NT5C3A: variants seen among roughly 807,000 people sequenced by gnomAD.
NT5C3A encodes the protein 5'-nucleotidase, cytosolic IIIA.
Under a neutral mutation model 40.0 loss-of-function variants are expected in NT5C3A, and 23 were observed. The ratio of observed to expected loss-of-function variants is 0.58; its 90% confidence interval spans 0.41 to 0.81. The LOEUF (loss-of-function observed/expected upper bound fraction) is 0.81. Ranked by LOEUF, NT5C3A falls within the 40% of genes least tolerant of loss-of-function variation. The probability of loss-of-function intolerance (pLI) is 0.00; values close to 1 mark genes in which losing one functional copy is unlikely to be tolerated. For synonymous variants in NT5C3A, 130 were observed against 141.4 expected (o/e 0.92, Z 0.57); for missense variants, 328 against 403.0 (o/e 0.81, Z 1.59).
chr7:33,034,610 A>T (rs1196672438), intron 1 of NT5C3A, among the ~76,000 whole-genome samples: 4 of 152,256 alleles, frequency 2.6e-5, no homozygotes, highest in Non-Finnish European at 5.9e-5. Context: ...TATATTTGAC[A>T]TATAAAAACA....
chr7:33,051,421 C>A (rs1166308134), intron 1 of NT5C3A, among the ~76,000 whole-genome samples: 4 of 152,164 alleles, frequency 2.6e-5, no homozygotes, highest in Non-Finnish European at 4.4e-5. Flanking sequence ...CTCGGCCTCC[C>A]AAAGTGCTGG....
rs1292149570 is a variant in NT5C3A, at chr7:33,014,238, A to G, written c.*492T>C. ...CCAGGTTTTTCCAACACTAACTGCTAGTCTTTTCCAGTAAATATTTTTTCC... is the reference window on the plus strand; with the variant it reads ...CCAGGTTTTTCCAACACTAACTGCTGGTCTTTTCCAGTAAATATTTTTTCC... On this transcript the variant is annotated 3_prime_UTR_variant, in exon 9 of 9. Coordinates refer to ENST00000610140, the MANE Select transcript of NT5C3A (RefSeq NM_001002010.5). 4.4e-6 allele frequency: 2 copies of G among 454,422 alleles called. No homozygotes were observed. The highest frequency in any genetic ancestry group is 2.3e-5 in the Admixed American group (1 of 42,558). The allele number at this position is 454,422 out of a possible 1,614,324, so 28.1% of individuals were successfully genotyped here.
chr7:33,048,689 T>C (rs1787250375), intron 1 of NT5C3A, among the ~76,000 whole-genome samples: 1 of 152,222 alleles, frequency 6.6e-6, no homozygotes, highest in South Asian at 2.1e-4. Context: ...CGGGTCACTT[T>C]AATCATCTCC....
chr7:33,052,430 G>A (rs1562604286), intron 1 of NT5C3A, among the ~76,000 whole-genome samples: 1 of 136,804 alleles, frequency 7.3e-6, no homozygotes, highest in Non-Finnish European at 1.5e-5. Context: ...AGGTTGCAGT[G>A]AGCCAAGATC....
intron 5 of NT5C3A, among the ~76,000 whole-genome samples, chr7:33,019,935 C>T (rs1785535266): frequency 6.6e-6 from 1 of 152,164 alleles, no homozygotes; most frequent in South Asian, 2.1e-4. Context: ...CCTCCCAAAC[C>T]CAGACTTAGC....
chr7:33,049,673 TA>T (rs1437530078), intron 1 of NT5C3A, among the ~76,000 whole-genome samples: 1 of 151,922 alleles, frequency 6.6e-6, no homozygotes, highest in African/African-American at 2.4e-5. Context: ...ATCAAAATTT[TA>T]AAAATTGACA....
At position 33,056,537 on chromosome 7, in the gene NT5C3A, C is replaced by T. The variant is rs902906028; in HGVS notation, c.138+6031G>A. ...AAAAATTTAACTTAGCCAGGTGTGG[C>T]GCCACATGCCTGTAGTCCCAGCTAC... is the stretch of plus-strand genomic sequence containing the variant. On this transcript the variant is annotated intron_variant, in intron 1 of 8. Coordinates refer to ENST00000610140, the MANE Select transcript of NT5C3A (RefSeq NM_001002010.5). 3.6e-5 allele frequency among the ~76,000 whole-genome samples: 5 copies of T among 137,930 alleles called. No homozygotes were observed. In the East Asian group the frequency reaches 9.0e-4, roughly 25 times the overall value. 90.5% of individuals were successfully genotyped at this position (137,930 alleles called of 152,430 possible).
At chr7:33,030,631 A>G (rs942894364) in intron 1 of NT5C3A, among the ~76,000 whole-genome samples, 1 of 152,214 alleles carries the variant, frequency 6.6e-6, no homozygotes, top group African/African-American at 2.4e-5. Context: ...ATTGATGCCA[A>G]TCTGAATCAA....
chr7:33,036,685 T>A (rs1454154548), intron 1 of NT5C3A, among the ~76,000 whole-genome samples: 1 of 152,174 alleles, frequency 6.6e-6, no homozygotes, highest in Non-Finnish European at 1.5e-5. Flanking sequence ...GTGGGAAAAT[T>A]ATGCATTGCT....
intron 3 of NT5C3A, among the ~76,000 whole-genome samples, chr7:33,023,544 T>C (rs1025687872): frequency 7.9e-5 from 12 of 152,062 alleles, no homozygotes; most frequent in Admixed American, 6.6e-5. Flanking sequence ...CAGGCATGAG[T>C]GACCGCACCC....
intron 1 of NT5C3A, among the ~76,000 whole-genome samples, chr7:33,061,511 C>G (rs1395970763): frequency 6.6e-6 from 1 of 152,124 alleles, no homozygotes; most frequent in South Asian, 2.1e-4. Context: ...CTCAGCCTCC[C>G]AAATAGCTGG....
At chr7:33,016,532 G>C (rs918752119) in intron 7 of NT5C3A, among the ~76,000 whole-genome samples, 3 of 151,620 alleles carry the variant, frequency 2.0e-5, no homozygotes, top group Non-Finnish European at 4.4e-5. Context: ...AGCTGGGCTT[G>C]GTGGCACGCA....
In NT5C3A at chr7:33,039,567, T is replaced by G. The variant is rs953357070; in HGVS notation, c.139-12652A>C. Among the ~76,000 whole-genome samples, 33 of 144,424 alleles carry G rather than the reference T, an allele frequency of 2.3e-4. No homozygotes were observed. The East Asian group carries it at 6.6e-3, about 29-fold the overall frequency. 94.7% of individuals were successfully genotyped at this position (144,424 alleles called of 152,430 possible). A position where few individuals can be genotyped will look rare whatever the true frequency, so the allele number is the denominator to read the frequency against. ...TTCTTAAGCTTGGGTTTTTTGTTTT[T>G]TTTTTTTTTTAATGTTACTGTCTTC... is the stretch of plus-strand genomic sequence containing the variant. On this transcript the variant is annotated intron_variant, in intron 1 of 8. Transcript: ENST00000610140.
At chr7:33,024,153 T>C (rs1296183056) in intron 2 of NT5C3A, 45 bp from the exon 3 acceptor site, 2 of 1,115,414 alleles carry the variant, frequency 1.8e-6, no homozygotes, top group Admixed American at 3.6e-5. Context: ...ATAGCCCACA[T>C]GGCCAGAATT....
chr7:33,056,670 C>A (rs912799020), intron 1 of NT5C3A, among the ~76,000 whole-genome samples: 1 of 151,630 alleles, frequency 6.6e-6, no homozygotes, highest in Non-Finnish European at 1.5e-5. Context: ...GACCTAGTCT[C>A]AAAAATAAAA....
chr7:33,016,437 C>T (rs1406202136), intron 7 of NT5C3A, among the ~76,000 whole-genome samples: 10 of 151,108 alleles, frequency 6.6e-5, no homozygotes, highest in Non-Finnish European at 1.5e-5. Context: ...TTTGGGAGGC[C>T]AAGATGGGCA....
intron 1 of NT5C3A, among the ~76,000 whole-genome samples, chr7:33,028,740 A>C (rs1275133890): frequency 2.0e-5 from 3 of 152,104 alleles, no homozygotes; most frequent in Non-Finnish European, 1.5e-5. Context: ...TCTTCCAAAG[A>C]CTGGAAGATG....
intron 1 of NT5C3A, among the ~76,000 whole-genome samples, chr7:33,039,118 C>T (rs1185629461): frequency 6.6e-6 from 1 of 152,122 alleles, no homozygotes; most frequent in Non-Finnish European, 1.5e-5. Context: ...AAGAACTTCA[C>T]TTAACACAAA....
chr7:33,045,535 C>T (rs1373506372), intron 1 of NT5C3A, among the ~76,000 whole-genome samples: 1 of 151,830 alleles, frequency 6.6e-6, no homozygotes, highest in African/African-American at 2.4e-5. Flanking sequence ...TCTCGGCTCA[C>T]TGCAATCTCC....
Sources: gnomAD v4.1 joint callset for allele counts (sites outside exome capture counted in the v4.1 genomes callset) on GRCh38, gnomAD v4.1.1 for gene constraint, MANE v1.5 for transcripts, NCBI Gene and HGNC (gene_info 2026-07-23, HGNC 2026-07-21) for gene names.